Variants in CARMIL2 observed in about 807,000 individuals in gnomAD.
CARMIL2 encodes capping protein, Arp2/3 and myosin-I linker protein 2.
Under a neutral mutation model 173.3 loss-of-function variants are expected in CARMIL2, and 96 were observed. That is an observed-to-expected ratio of 0.55 (90% CI 0.47 to 0.66). The LOEUF is 0.66. CARMIL2 is among the 30% of genes least tolerant of loss of function. CARMIL2 has a pLI of 0.00. For synonymous variants in CARMIL2, 830 were observed against 817.1 expected (o/e 1.02, Z -0.27); for missense variants, 1,771 against 1,906.7 (o/e 0.93, Z 1.33).
Position 67,646,609 on chromosome 16 carries a change from G to A in CARMIL2, c.466+92G>A, listed in dbSNP as rs1342653655. On this transcript the variant is annotated intron_variant, in intron 6 of 37. Coordinates refer to ENST00000334583, the MANE Select transcript of CARMIL2 (RefSeq NM_001013838.3). The surrounding 1 kb of genome is among the most constrained non-coding windows in gnomAD (Gnocchi z 4.6). ...CTGGGGGGGCCCCAAACTGAACAGA[G>A]CCATTCAGGTCCCAGCCACCACCTA... 2 of 1,569,280 alleles carry A rather than the reference G, an allele frequency of 1.3e-6. No individual in the cohort carries two copies. Among genetic ancestry groups the A allele is most frequent in the East Asian group, 2.2e-5 (1 of 44,570 alleles).
chr16:67,650,172 A>C, intron 22 of CARMIL2, 22 bp downstream of exon 22: 12 of 1,572,182 alleles, frequency 7.6e-6, no homozygotes, highest in South Asian at 1.1e-5. Flanking sequence ...CTCCCCAACC[A>C]CGAGAGGTAG....
chr16:67,657,193 A>AC lies in CARMIL2; in HGVS notation c.4118-42dup. Reference sequence around the variant, plus strand: ...GAAGAGAGGGGCAGGGGATGGACAGACCCCAAGCCTTAGCAACCCACCCCA... The same window carrying AC: ...GAAGAGAGGGGCAGGGGATGGACAGACCCCCAAGCCTTAGCAACCCACCCCA... On this transcript the variant is annotated intron_variant, in intron 36 of 37. Transcript: ENST00000334583. This position sits in a 1 kb window ranked among gnomAD's most constrained non-coding sequence, Gnocchi z 4.5. 1 of 1,558,842 alleles carries AC rather than the reference A, an allele frequency of 6.4e-7. No individual in the cohort carries two copies. Among genetic ancestry groups the AC allele is most frequent in the South Asian group, 1.1e-5 (1 of 88,284 alleles).
At position 67,648,393 on chromosome 16, in the gene CARMIL2, C is replaced by T. The variant is rs1384253980; in HGVS notation, c.1335-5C>T. On this transcript the variant is annotated splice_region_variant and splice_polypyrimidine_tract_variant and intron_variant, in intron 14 of 37. Coordinates refer to ENST00000334583, the MANE Select transcript of CARMIL2 (RefSeq NM_001013838.3). The surrounding 1 kb of genome is among the most constrained non-coding windows in gnomAD (Gnocchi z 6.1). ...GCCCCAGGCCCACCTTCCCACTTCCCCCAGGAAGTCCCGCGCCGCGCCGGC... is the reference window on the plus strand; with the variant it reads ...GCCCCAGGCCCACCTTCCCACTTCCTCCAGGAAGTCCCGCGCCGCGCCGGC... 2 of 1,533,196 alleles carry T rather than the reference C, an allele frequency of 1.3e-6. No individual in the cohort carries two copies. Among genetic ancestry groups the T allele is most frequent in the South Asian group, 1.2e-5 (1 of 84,142 alleles). 95.0% of individuals were successfully genotyped at this position (1,533,196 alleles called of 1,614,324 possible).
Position 67,657,353 on chromosome 16 carries a change from GA to G in CARMIL2, c.4195+38del. Reference sequence around the variant, plus strand: ...TCCAGGCCAGCTGGGAGGGTGGCAGGACTGCTTAGCCCAGCCCTGACCCTTC... The same window carrying G: ...TCCAGGCCAGCTGGGAGGGTGGCAGGCTGCTTAGCCCAGCCCTGACCCTTC... On this transcript the variant is annotated intron_variant, in intron 37 of 37. Coordinates refer to ENST00000334583, the MANE Select transcript of CARMIL2 (RefSeq NM_001013838.3). The surrounding 1 kb of genome is among the most constrained non-coding windows in gnomAD (Gnocchi z 4.5). The G allele has an allele frequency of 6.2e-7, 1 of 1,611,270 alleles. No individual in the cohort carries two copies. Among genetic ancestry groups the G allele is most frequent in the South Asian group, 1.1e-5 (1 of 90,680 alleles).
intron 12 of CARMIL2, 21 bp from the exon 13 acceptor site, chr16:67,647,825 G>T (rs948111586): frequency 6.3e-7 from 1 of 1,594,252 alleles, no homozygotes; most frequent in Non-Finnish European, 8.5e-7. Context: ...CAACTGCTGA[G>T]TGACCCCGAC....
chr16:67,654,083 G>GGGT (rs1555540700), intron 29 of CARMIL2, 66 bp from the exon 30 acceptor site: 45 of 529,018 alleles, frequency 8.5e-5, no homozygotes, highest in South Asian at 4.1e-4. Flanking sequence ...TGCCGGCCGG[G>GGGT]GGGGGGGGGG....
Position 67,651,841 on chromosome 16 carries a change from C to T in CARMIL2, c.2584C>T (p.Leu862Phe), listed in dbSNP as rs757187764. The T allele has an allele frequency of 2.5e-6, 4 of 1,612,492 alleles. No individual in the cohort carries two copies. The East Asian group carries it at 8.9e-5, about 36-fold the overall frequency. The change falls in exon 25 of 38, where the codon CTC becomes TTC. Residue 862 changes from leucine (L) to phenylalanine (F), a missense_variant. Around this residue, in one of 3 missense-constraint regions of CARMIL2, gnomAD observed 817 missense variants for 903.5 expected, o/e 0.90. Transcript: ENST00000334583. This position sits in a 1 kb window ranked among gnomAD's most constrained non-coding sequence, Gnocchi z 4.2. ...GCTGCTGCAAGATGCCTTCACTAGG[C>T]TCAGGTAGGCTGGATGGGGCTGGGC... Reference protein sequence around the residue: ...EQLLQDAFTRLRDMRLSITGT... With the variant: ...EQLLQDAFTRFRDMRLSITGT...
chr16:67,656,501 G>T lies in CARMIL2; in HGVS notation c.3892G>T (p.Ala1298Ser), dbSNP rs201889418. 9.4e-5 allele frequency: 152 copies of T among 1,613,386 alleles called. 2 individuals are homozygous for T. The Admixed American group carries it at 2.5e-3, about 27-fold the overall frequency. The stretch of plus-strand genomic sequence containing the variant: ...GAAGACACTGGGGCAGCAGTTGAAT[G>T]CGGAGCTCAGGAGCCGTGGTTGGGG... ...TWKTLGQQLN[A>S]ELRSRGWGQQ... The change falls in exon 35 of 38, where the codon GCG (alanine) becomes TCG (serine). Residue 1298 changes from alanine (A) to serine (S), a missense_variant. Physicochemically the swap from Ala to Ser is moderately conservative, Grantham distance 99 (BLOSUM62 1). This residue lies in a region of CARMIL2 where 817 missense variants were observed against 903.5 expected (regional missense o/e 0.90). Coordinates refer to ENST00000334583, the MANE Select transcript of CARMIL2 (RefSeq NM_001013838.3).
intron 12 of CARMIL2, 37 bp downstream of exon 12, chr16:67,647,803 T>TGGGG: frequency 3.9e-6 from 1 of 258,440 alleles, no homozygotes; most frequent in Admixed American, 6.7e-5. Context: ...GGGAGGGGGG[T>TGGGG]GGGGGTCTGT....
chr16:67,645,998 C>T lies in CARMIL2; in HGVS notation c.187-20C>T, dbSNP rs1474422651. 1 of 1,613,660 alleles carries T rather than the reference C, an allele frequency of 6.2e-7. No individual in the cohort carries two copies. Among genetic ancestry groups the T allele is most frequent in the Non-Finnish European group, 8.5e-7 (1 of 1,179,826 alleles). ...GGCGGGGCTGGGGGCTTGGTCCCAGCTGATCTAGGCCCTTTCTAGGTGGAC... is the reference window on the plus strand; with the variant it reads ...GGCGGGGCTGGGGGCTTGGTCCCAGTTGATCTAGGCCCTTTCTAGGTGGAC... On this transcript the variant is annotated intron_variant, in intron 3 of 37. Transcript: ENST00000334583.
Position 67,646,500 on chromosome 16 carries a change from A to G in CARMIL2, c.449A>G (p.Asp150Gly), listed in dbSNP as rs536222583. Residue 150 changes from aspartate to glycine, a missense_variant, in exon 6 of 38, where the codon GAC becomes GGC. By Grantham distance (94) the Asp-to-Gly change is moderately conservative. Coordinates refer to ENST00000334583, the MANE Select transcript of CARMIL2 (RefSeq NM_001013838.3). The surrounding 1 kb of genome is among the most constrained non-coding windows in gnomAD (Gnocchi z 4.6). ...LERSSPSEST[D>G]PCSPCGGFLE... ...AGAAGCAGCCCCTCGGAGTCCACTG[A>G]CCCCTGCAGCCCCTGTGGTAAGGGT... 32 of 1,612,776 alleles carry G rather than the reference A, an allele frequency of 2.0e-5. 1 individual carries two copies. The South Asian group carries it at 3.4e-4, about 17-fold the overall frequency.
rs1050160428 is a variant in CARMIL2 at position 67,652,605 on chromosome 16, C to G, written c.2884+67C>G. 3 of 1,478,074 alleles carry G rather than the reference C, an allele frequency of 2.0e-6. No individual in the cohort carries two copies. The highest frequency in any genetic ancestry group is 1.4e-5 in the African/African-American group (1 of 72,154). 91.6% of individuals were successfully genotyped at this position (1,478,074 alleles called of 1,614,324 possible). On this transcript the variant is annotated intron_variant, in intron 28 of 37. Coordinates refer to ENST00000334583, the MANE Select transcript of CARMIL2 (RefSeq NM_001013838.3). This position sits in a 1 kb window ranked among gnomAD's most constrained non-coding sequence, Gnocchi z 4.7. ...TGAAGCTCCATTAGACTTGGGGACC[C>G]GGGGACCTGGATGAACTCATTCAGC...
rs2142941298 is a variant in CARMIL2 at position 67,653,139 on chromosome 16, G to A, written c.3005G>A (p.Gly1002Asp). The stretch of plus-strand genomic sequence containing the variant: ...CCTGCCGCCCCTGGGCCCCCGGCCG[G>A]CCCGCTGCCCCGCATGGACCTGCCA... Reference protein sequence around the residue: ...PSPAAPGPPAGPLPRMDLPLA... With the variant: ...PSPAAPGPPADPLPRMDLPLA... Residue 1002 changes from glycine (G) to aspartate (D), a missense_variant, in exon 29 of 38, where the codon GGC becomes GAC. Gly to Asp is a moderately conservative substitution (Grantham distance 94). Around this residue, in one of 3 missense-constraint regions of CARMIL2, gnomAD observed 817 missense variants for 903.5 expected, o/e 0.90. Coordinates refer to ENST00000334583, the MANE Select transcript of CARMIL2 (RefSeq NM_001013838.3). The surrounding 1 kb of genome is among the most constrained non-coding windows in gnomAD (Gnocchi z 7.4). 1 of 1,113,340 alleles carries A rather than the reference G, an allele frequency of 9.0e-7. No homozygotes were observed. Among genetic ancestry groups the A allele is most frequent in the Non-Finnish European group, 1.1e-6 (1 of 912,586 alleles). 69.0% of individuals were successfully genotyped at this position (1,113,340 alleles called of 1,614,324 possible). A position where few individuals can be genotyped will look rare whatever the true frequency, so the allele number is the denominator to read the frequency against.
Position 67,656,068 on chromosome 16 carries a change from G to C in CARMIL2, c.3742+1G>C. On this transcript the variant is annotated splice_donor_variant, in intron 33 of 37. Coordinates refer to ENST00000334583, the MANE Select transcript of CARMIL2 (RefSeq NM_001013838.3). LOFTEE classifies it high-confidence loss of function. ...GAGATCAAGAAAGCTGGCTCAGATG[G>C]TAAGTGGGACCCTGGGGTGTGGCAG... 1 of 1,605,436 alleles carries C rather than the reference G, an allele frequency of 6.2e-7. No homozygotes were observed. The highest frequency in any genetic ancestry group is 8.5e-7 in the Non-Finnish European group (1 of 1,175,908).
Position 67,651,617 on chromosome 16 carries a change from T to C in CARMIL2, c.2428-68T>C. On this transcript the variant is annotated intron_variant, in intron 24 of 37. Transcript: ENST00000334583. This position sits in a 1 kb window ranked among gnomAD's most constrained non-coding sequence, Gnocchi z 4.2. ...CCCTGACTCAATATTCTGTTGGAGT[T>C]GGAGCCTCAAGCCAGCAGCCTGGTG... 6.3e-7 allele frequency: 1 copy of C among 1,576,478 alleles called. No homozygotes were observed. Among genetic ancestry groups the C allele is most frequent in the Non-Finnish European group, 8.6e-7 (1 of 1,161,784 alleles).
Position 67,647,777 on chromosome 16 carries a change from T to C in CARMIL2, c.958+11T>C, listed in dbSNP as rs1449650136. 1 of 644,774 alleles carries C rather than the reference T, an allele frequency of 1.6e-6. No homozygotes were observed. Among genetic ancestry groups the C allele is most frequent in the Non-Finnish European group, 2.2e-6 (1 of 456,054 alleles). The allele number at this position is 644,774 out of a possible 1,614,324, so 39.9% of individuals were successfully genotyped here. On this transcript the variant is annotated intron_variant, in intron 12 of 37. Transcript: ENST00000334583. ...GGTTGACACCGCGAGGTAGGCTGGA[T>C]GAGGGAGGGGGTGAGGGGAGGGGGG...
rs764101980 is a variant in CARMIL2 at position 67,649,979 on chromosome 16, C to G, written c.2082+11C>G. ...CGTGCAGTCCATCAGGTGGGCGTCC[C>G]CCTCTTCCCTTGCCCTTCTCTGCAC... On this transcript the variant is annotated intron_variant, in intron 21 of 37. Coordinates refer to ENST00000334583, the MANE Select transcript of CARMIL2 (RefSeq NM_001013838.3). This position sits in a 1 kb window ranked among gnomAD's most constrained non-coding sequence, Gnocchi z 6.7. 5 of 1,613,434 alleles carry G rather than the reference C, an allele frequency of 3.1e-6. No individual in the cohort carries two copies. In the Admixed American group the frequency reaches 8.3e-5, roughly 27 times the overall value.
In CARMIL2 at chr16:67,648,859, G is replaced by GTCCCACTTCCCACC; in HGVS notation, c.1510-27_1510-14dup. The GTCCCACTTCCCACC allele has an allele frequency of 6.3e-7, 1 of 1,587,386 alleles. No individual in the cohort carries two copies. Among genetic ancestry groups the GTCCCACTTCCCACC allele is most frequent in the Non-Finnish European group, 8.6e-7 (1 of 1,167,552 alleles). On this transcript the variant is annotated intron_variant, in intron 16 of 37. Transcript: ENST00000334583. This position sits in a 1 kb window ranked among gnomAD's most constrained non-coding sequence, Gnocchi z 6.1. ...CCCTCCCCACTCGCGGCCTAAGTGG[G>GTCCCACTTCCCACC]TCCCACTTCCCACCTCCCACCTCCC...
At position 67,656,440 on chromosome 16, in the gene CARMIL2, T is replaced by C. The variant is rs748528691; in HGVS notation, c.3831T>C (p.Pro1277=). ...TCCCTACAGACCCTTCCTGCAGACC[T>C]GGCCCAGGGAGCCAGGGGCCTGAGT... is the stretch of plus-strand genomic sequence containing the variant. The part of the protein sequence containing the change: ...HSVSADPSCR[P]GPGSQGPESA... Residue 1277 remains proline (P), a synonymous_variant, in exon 35 of 38, where the codon CCT becomes CCC. Transcript: ENST00000334583. 3.1e-6 allele frequency: 5 copies of C among 1,609,274 alleles called. No individual in the cohort carries two copies. The highest frequency in any genetic ancestry group is 4.2e-6 in the Non-Finnish European group (5 of 1,177,218).
Sources: allele counts gnomAD v4.1 joint callset, GRCh38; gene constraint gnomAD v4.1.1; regional missense constraint gnomAD v4.1.1; non-coding constraint Gnocchi (gnomAD v3.1); transcripts MANE v1.5; gene names NCBI Gene and HGNC (gene_info 2026-07-23, HGNC 2026-07-21).